Variants in CCDC91 observed in about 807,000 individuals in gnomAD.
The protein encoded by CCDC91 is coiled-coil domain containing 91.
In CCDC91, 48 loss-of-function variants were observed where a neutral mutation model predicts 63.2. The observed-to-expected ratio is 0.76, with a 90% CI of 0.60 to 0.97. The LOEUF (loss-of-function observed/expected upper bound fraction) is 0.97, where lower values mean the gene tolerates loss of function less well. Among genes scored for constraint, CCDC91 ranks in the 50% least tolerant of loss-of-function variants. CCDC91 has a pLI of 0.00. For missense variants in CCDC91, 500 were observed against 494.6 expected, an observed-to-expected ratio of 1.01 and a Z score of -0.10; for synonymous variants, 167 against 165.8, an observed-to-expected ratio of 1.01 and a Z score of -0.06.
chr12:28,354,221 ATTTC>A, intron 6 of CCDC91, among the ~76,000 whole-genome samples: 1 of 152,218 alleles, frequency 6.6e-6, no homozygotes, highest in East Asian at 1.9e-4. Context: ...TAGGGGGAAT[ATTTC>A]TTTACGTCTT....
intron 12 of CCDC91, among the ~76,000 whole-genome samples, chr12:28,541,557 T>C (rs1212316322): frequency 2.4e-4 from 37 of 152,146 alleles, no homozygotes. Flanking sequence ...TGCTAAAATC[T>C]ATAAAAGTTG....
chr12:28,348,787 G>C (rs564279067), intron 6 of CCDC91, among the ~76,000 whole-genome samples: 7 of 152,150 alleles, frequency 4.6e-5, no homozygotes, highest in African/African-American at 1.7e-4. Flanking sequence ...GCAGTGGTGT[G>C]ATCTTGGCTC....
chr12:28,367,669 A>G lies in CCDC91; in HGVS notation c.654+5154A>G, dbSNP rs1242224090. On this transcript the variant is annotated intron_variant, in intron 7 of 12. Transcript: ENST00000536442. ...AACTGCAAATATGATAAAGACAAAA[A>G]CAAACAAAATGCATGTCAGCACCCA... Among the ~76,000 whole-genome samples, 3 of 152,176 alleles carry G rather than the reference A, an allele frequency of 2.0e-5. No homozygotes were observed. The East Asian group carries it at 5.8e-4, about 29-fold the overall frequency.
intron 1 of CCDC91, among the ~76,000 whole-genome samples, chr12:28,256,406 GGTTT>G (rs1331467745): frequency 6.7e-6 from 1 of 149,380 alleles, no homozygotes; most frequent in Non-Finnish European, 1.5e-5. Flanking sequence ...GTTCTTGCAT[GGTTT>G]GTTTGATAAA....
chr12:28,300,946 A>G (rs915147440), intron 3 of CCDC91, among the ~76,000 whole-genome samples: 12 of 151,672 alleles, frequency 7.9e-5, no homozygotes, highest in African/African-American at 2.9e-4. Context: ...CTGCTGGTCA[A>G]GTTTATATCC....
intron 7 of CCDC91, among the ~76,000 whole-genome samples, chr12:28,363,708 T>G (rs1944058169): frequency 6.6e-6 from 1 of 151,358 alleles, no homozygotes; most frequent in Non-Finnish European, 1.5e-5. Context: ...AAACCCCGTC[T>G]CTATTAATAA....
At chr12:28,390,613 A>G (rs1400215596) in intron 7 of CCDC91, among the ~76,000 whole-genome samples, 1 of 152,154 alleles carries the variant, frequency 6.6e-6, no homozygotes, top group Non-Finnish European at 1.5e-5. Context: ...TAATATCTTT[A>G]TATTTATCTG....
intron 12 of CCDC91, among the ~76,000 whole-genome samples, chr12:28,522,083 T>A (rs1235522900): frequency 6.6e-6 from 1 of 152,196 alleles, no homozygotes; most frequent in Non-Finnish European, 1.5e-5. Flanking sequence ...GATGCTGGCC[T>A]CATAAAATGA....
chr12:28,314,222 G>A (rs967000568), intron 6 of CCDC91, among the ~76,000 whole-genome samples: 10 of 151,816 alleles, frequency 6.6e-5, no homozygotes, highest in Admixed American at 2.0e-4. Context: ...TGAAAATAAA[G>A]TGTTTCAGAG....
intron 8 of CCDC91, 104 bp downstream of exon 8, chr12:28,391,515 A>G: frequency 1.6e-6 from 1 of 624,158 alleles, no homozygotes; most frequent in East Asian, 3.0e-5. Flanking sequence ...TACTTGGTGT[A>G]TTTTGGAGAA....
At chr12:28,350,100 A>C (rs1266070657) in intron 6 of CCDC91, among the ~76,000 whole-genome samples, 1 of 152,138 alleles carries the variant, frequency 6.6e-6, no homozygotes, top group Admixed American at 6.6e-5. Flanking sequence ...ATCTGCTTTT[A>C]GTCTTTTGTT....
At chr12:28,273,394 A>T (rs1410503708) in intron 3 of CCDC91, among the ~76,000 whole-genome samples, 1 of 152,292 alleles carries the variant, frequency 6.6e-6, no homozygotes, top group African/African-American at 2.4e-5. Context: ...TTCTAGTTCT[A>T]GATCCCTGAG....
chr12:28,250,777 G>GT (rs960381004), intron 1 of CCDC91, among the ~76,000 whole-genome samples: 3 of 151,968 alleles, frequency 2.0e-5, no homozygotes, highest in African/African-American at 7.2e-5. Flanking sequence ...TTGCTGGAGG[G>GT]TAAAAAAAAG....
chr12:28,276,119 A>G (rs780558213), intron 3 of CCDC91, among the ~76,000 whole-genome samples: 2 of 152,058 alleles, frequency 1.3e-5, no homozygotes, highest in Non-Finnish European at 2.9e-5. Context: ...TAGATCCATG[A>G]CCTATGTAAG....
At chr12:28,526,883 TGTTC>T (rs1937758939) in intron 12 of CCDC91, among the ~76,000 whole-genome samples, 1 of 152,070 alleles carries the variant, frequency 6.6e-6, no homozygotes, top group South Asian at 2.1e-4. Context: ...TTCTTCTGCT[TGTTC>T]AATTCTATTG....
intron 6 of CCDC91, among the ~76,000 whole-genome samples, chr12:28,348,826 C>T (rs1390632380): frequency 3.3e-5 from 5 of 152,080 alleles, no homozygotes; most frequent in Admixed American, 6.6e-5. Flanking sequence ...CAGGCTCAAG[C>T]GATTCTCCCA....
chr12:28,314,661 T>A (rs185266142), intron 6 of CCDC91, among the ~76,000 whole-genome samples: 1 of 152,202 alleles, frequency 6.6e-6, no homozygotes, highest in Admixed American at 6.5e-5. Flanking sequence ...ACTCTGAAGA[T>A]GTATCTTTGT....
intron 11 of CCDC91, among the ~76,000 whole-genome samples, chr12:28,458,080 TACTGCC>T (rs1950134743): frequency 6.6e-6 from 1 of 152,148 alleles, no homozygotes; most frequent in African/African-American, 2.4e-5. Context: ...AGAAATTTAG[TACTGCC>T]ACCTGACCCT....
chr12:28,303,397 G>A (rs532470536), intron 3 of CCDC91, among the ~76,000 whole-genome samples: 9 of 150,870 alleles, frequency 6.0e-5, no homozygotes, highest in Non-Finnish European at 8.9e-5. Context: ...TTTCTTACTC[G>A]CTCCCACTCT....
Sources: gnomAD v4.1 joint callset for allele counts (sites outside exome capture counted in the v4.1 genomes callset) on GRCh38, gnomAD v4.1.1 for gene constraint, MANE v1.5 for transcripts, NCBI Gene and HGNC (gene_info 2026-07-23, HGNC 2026-07-21) for gene names.